Variants in DOCK2 observed in about 807,000 individuals in gnomAD.
The protein encoded by DOCK2 is dedicator of cytokinesis 2, also known as dedicator of cytokinesis protein 2.
DOCK2 carries 87 observed loss-of-function variants against 248.9 expected under a neutral mutation model. That is an observed-to-expected ratio of 0.35 (90% CI 0.29 to 0.42). The LOEUF (loss-of-function observed/expected upper bound fraction) is 0.42, where lower values mean the gene tolerates loss of function less well. Among genes scored for constraint, DOCK2 ranks in the 10% least tolerant of loss-of-function variants. The pLI is 1.00. For synonymous variants in DOCK2, 805 were observed against 821.6 expected (o/e 0.98, Z 0.35); for missense variants, 1,747 against 2,300.2 (o/e 0.76, Z 4.92).
intron 27 of DOCK2, among the ~76,000 whole-genome samples, chr5:169,845,601 T>C (rs1010462525): frequency 6.6e-6 from 1 of 152,212 alleles, no homozygotes; most frequent in African/African-American, 2.4e-5. Flanking sequence ...TCCCCTCAGA[T>C]TGCTCTTCCT....
chr5:169,693,190 T>A (rs1760407636), intron 9 of DOCK2, among the ~76,000 whole-genome samples: 1 of 152,024 alleles, frequency 6.6e-6, no homozygotes, highest in Non-Finnish European at 1.5e-5. Flanking sequence ...GATTCAAGTT[T>A]TAAAGATGGA....
chr5:169,832,370 A>G lies in DOCK2; in HGVS notation c.2704-8387A>G, dbSNP rs548713242. ...AAGACATGTGTGACAACATGAAAGC[A>G]TTGCCCAAGTCCCGCCTGGCACATG... On this transcript the variant is annotated intron_variant, in intron 26 of 51. Coordinates refer to ENST00000520908, the MANE Select transcript of DOCK2 (RefSeq NM_004946.3). Among the ~76,000 whole-genome samples the G allele has an allele frequency of 3.2e-3, 483 of 152,326 alleles. 1 individual carries two copies. Among genetic ancestry groups the G allele is most frequent in the Admixed American group, 4.2e-3 (64 of 15,298 alleles).
rs183041395 is a variant in DOCK2 at position 169,982,369 on chromosome 5, G to A, written c.2800-699G>A. Among the ~76,000 whole-genome samples, 82 of 152,326 alleles carry A rather than the reference G, an allele frequency of 5.4e-4. 1 individual carries two copies. The highest frequency in any genetic ancestry group is 9.6e-4 in the Non-Finnish European group (65 of 68,026). On this transcript the variant is annotated intron_variant, in intron 27 of 51. Coordinates refer to ENST00000520908, the MANE Select transcript of DOCK2 (RefSeq NM_004946.3). ...AAAGGCTATGCTGATGTCTTCTGGT[G>A]CATGAAAGGGTGTGGTTCCTCCTCT... is the stretch of plus-strand genomic sequence containing the variant.
At chr5:170,006,603 G>A (rs1309626699) in intron 30 of DOCK2, among the ~76,000 whole-genome samples, 2 of 152,214 alleles carry the variant, frequency 1.3e-5, no homozygotes, top group East Asian at 1.9e-4. Context: ...GGGGCCATGA[G>A]CCAAGAGGCC....
At chr5:169,983,411 G>A (rs1312717238) in intron 28 of DOCK2, among the ~76,000 whole-genome samples, 2 of 152,172 alleles carry the variant, frequency 1.3e-5, no homozygotes, top group East Asian at 1.9e-4. Flanking sequence ...ATCCTTTTAT[G>A]CCTCAGTTTC....
chr5:169,648,986 C>T (rs893573088), intron 1 of DOCK2, among the ~76,000 whole-genome samples: 2 of 152,120 alleles, frequency 1.3e-5, no homozygotes, highest in South Asian at 2.1e-4. Flanking sequence ...CAGTCACCCT[C>T]GTGGATGCAA....
At chr5:169,943,657 T>A (rs189329025) in intron 27 of DOCK2, among the ~76,000 whole-genome samples, 1 of 152,304 alleles carries the variant, frequency 6.6e-6, no homozygotes, top group Non-Finnish European at 1.5e-5. Flanking sequence ...AGTTTGCAGA[T>A]CTGGGGGCAG....
intron 22 of DOCK2, among the ~76,000 whole-genome samples, chr5:169,724,539 G>A (rs549820870): frequency 1.3e-4 from 20 of 152,040 alleles, no homozygotes; most frequent in Non-Finnish European, 2.4e-4. Flanking sequence ...CCCGAGAGCC[G>A]AGAAAGCCTG....
At chr5:169,718,102 T>A (rs1762004391) in intron 21 of DOCK2, among the ~76,000 whole-genome samples, 1 of 151,892 alleles carries the variant, frequency 6.6e-6, no homozygotes, top group Non-Finnish European at 1.5e-5. Flanking sequence ...GCGGGGGAGC[T>A]ACACAGAAGA....
chr5:169,804,472 GTGTGT>G (rs1561712834), intron 26 of DOCK2, among the ~76,000 whole-genome samples: 1 of 83,708 alleles, frequency 1.2e-5, no homozygotes, highest in East Asian at 6.1e-4. Flanking sequence ...GTGTGTGTGT[GTGTGT>G]GTGTGTGTGC....
intron 8 of DOCK2, among the ~76,000 whole-genome samples, chr5:169,687,429 C>T (rs529250512): frequency 1.9e-4 from 29 of 152,188 alleles, no homozygotes; most frequent in African/African-American, 7.0e-4. Context: ...TCTCATTAAC[C>T]TTTTAGGGGT....
intron 2 of DOCK2, among the ~76,000 whole-genome samples, chr5:169,659,450 C>A (rs1038357362): frequency 6.6e-6 from 1 of 152,146 alleles, no homozygotes. Context: ...CTGAAACTGG[C>A]AGATGTATAT....
intron 33 of DOCK2, among the ~76,000 whole-genome samples, chr5:170,022,165 G>A (rs1325666076): frequency 6.6e-6 from 1 of 152,144 alleles, no homozygotes; most frequent in Admixed American, 6.5e-5. Context: ...ATCTTTGCCT[G>A]AAGAGATCCT....
intron 27 of DOCK2, among the ~76,000 whole-genome samples, chr5:169,880,859 A>G (rs2113498691): frequency 6.6e-6 from 1 of 152,210 alleles, no homozygotes; most frequent in East Asian, 1.9e-4. Context: ...ACTCTGTGCT[A>G]GAAGGAAATG....
chr5:169,637,393 G>A (rs553383272), intron 1 of DOCK2, 24 bp downstream of exon 1: 910 of 1,373,380 alleles, frequency 6.6e-4, no homozygotes, highest in Middle Eastern at 4.3e-3. Context: ...CCAGGGCGCG[G>A]CAGGGAGCGG....
chr5:169,887,150 A>G (rs1773019157), intron 27 of DOCK2, among the ~76,000 whole-genome samples: 1 of 152,118 alleles, frequency 6.6e-6, no homozygotes, highest in South Asian at 2.1e-4. Context: ...GGAAAGATTA[A>G]TATTTTTGTG....
intron 26 of DOCK2, among the ~76,000 whole-genome samples, chr5:169,818,859 C>T (rs767011311): frequency 3.3e-5 from 5 of 152,100 alleles, no homozygotes; most frequent in Non-Finnish European, 7.4e-5. Flanking sequence ...TATAAATGCT[C>T]AATGTTCTGG....
At chr5:169,885,477 A>G (rs1772919508) in intron 27 of DOCK2, among the ~76,000 whole-genome samples, 1 of 152,212 alleles carries the variant, frequency 6.6e-6, no homozygotes, top group Non-Finnish European at 1.5e-5. Flanking sequence ...TCGTTCTGCT[A>G]TGACTGCAAC....
Position 170,079,034 on chromosome 5 carries a change from C to G in DOCK2, c.5054C>G (p.Ser1685Cys), listed in dbSNP as rs1368718766. The G allele has an allele frequency of 6.2e-7, 1 of 1,614,022 alleles. No individual in the cohort carries two copies. The highest frequency in any genetic ancestry group is 8.5e-7 in the Non-Finnish European group (1 of 1,180,032). ...TPRVEQEEPI[S>C]PGSTLPEVKL... is the part of the protein sequence containing the mutation. Reference sequence around the variant, plus strand: ...AGAGTGGAGCAGGAGGAACCGATCTCCCCGGGGAGCACCCTGCCTGAGGTC... The same window carrying G: ...AGAGTGGAGCAGGAGGAACCGATCTGCCCGGGGAGCACCCTGCCTGAGGTC... The change falls in exon 49 of 52, where the codon TCC becomes TGC. Residue 1685 changes from serine to cysteine, a missense_variant. Coordinates refer to ENST00000520908, the MANE Select transcript of DOCK2 (RefSeq NM_004946.3).
Sources: gnomAD v4.1 joint callset for allele counts (sites outside exome capture counted in the v4.1 genomes callset) on GRCh38, gnomAD v4.1.1 for gene constraint, MANE v1.5 for transcripts, NCBI Gene and HGNC (gene_info 2026-07-23, HGNC 2026-07-21) for gene names.